Variants in CAST observed in about 807,000 individuals in gnomAD.
CAST encodes the protein calpastatin.
CAST carries 76 observed loss-of-function variants against 119.6 expected under a neutral mutation model. The ratio of observed to expected loss-of-function variants is 0.64; its 90% CI spans 0.53 to 0.77. CAST has a LOEUF of 0.77. CAST is among the 30% of genes least tolerant of loss of function. The pLI, the probability that CAST is intolerant of heterozygous loss-of-function variation, is 0.00. For missense variants in CAST, 953 were observed against 946.5 expected (o/e 1.01, Z -0.09); for synonymous variants, 319 against 331.6 (o/e 0.96, Z 0.41).
chr5:96,058,043 C>A, the CAST span, among the ~76,000 whole-genome samples: 1 of 152,020 alleles, frequency 6.6e-6, no homozygotes, highest in African/African-American at 2.4e-5. Context: ...TCAGGGTCTT[C>A]TATTTAAAAT....
chr5:95,984,563 C>G, the CAST span, among the ~76,000 whole-genome samples: 3 of 152,140 alleles, frequency 2.0e-5, no homozygotes, highest in East Asian at 1.9e-4. Flanking sequence ...TACTGAAACT[C>G]TCTGAGAAAT....
chr5:96,501,012 G>A, the CAST span, among the ~76,000 whole-genome samples: 1 of 152,194 alleles, frequency 6.6e-6, no homozygotes, highest in Non-Finnish European at 1.5e-5. Context: ...ACTGGAGGTG[G>A]AGTGGGCTGA....
the CAST span, among the ~76,000 whole-genome samples, chr5:96,109,860 A>T: frequency 2.6e-5 from 4 of 152,208 alleles, no homozygotes; most frequent in African/African-American, 9.6e-5. Flanking sequence ...TTAATATCAT[A>T]GGAAAGAAAC....
upstream of CAST, among the ~76,000 whole-genome samples, chr5:96,660,884 T>C (rs1462784232): frequency 6.6e-6 from 1 of 151,850 alleles, no homozygotes; most frequent in Non-Finnish European, 1.5e-5. Flanking sequence ...TTTTTATGTA[T>C]AAATTCCTGC....
the CAST span, among the ~76,000 whole-genome samples, chr5:96,498,361 A>G: frequency 1.3e-5 from 2 of 152,156 alleles, no homozygotes; most frequent in African/African-American, 4.8e-5. Flanking sequence ...TTTTGGTTCC[A>G]TATGAACTTT....
chr5:96,118,837 G>A, the CAST span, among the ~76,000 whole-genome samples: 6 of 148,972 alleles, frequency 4.0e-5, no homozygotes, highest in East Asian at 9.8e-4. Context: ...TTTTCTTAGC[G>A]TCAGTTACTT....
the CAST span, among the ~76,000 whole-genome samples, chr5:96,406,187 G>A: frequency 6.6e-6 from 1 of 152,148 alleles, no homozygotes; most frequent in Non-Finnish European, 1.5e-5. Flanking sequence ...TCATTTTATA[G>A]ATGGAAAGAC....
At chr5:96,221,747 A>G in the CAST span, among the ~76,000 whole-genome samples, 1 of 152,134 alleles carries the variant, frequency 6.6e-6, no homozygotes, top group Non-Finnish European at 1.5e-5. Context: ...TCACAGAAAT[A>G]GAAAAAAAAT....
the CAST span, among the ~76,000 whole-genome samples, chr5:96,145,134 G>A: frequency 4.6e-5 from 7 of 152,268 alleles, no homozygotes; most frequent in South Asian, 4.1e-4. Context: ...TGCCCAAGCT[G>A]TCTTCAGCTA....
the CAST span, among the ~76,000 whole-genome samples, chr5:96,429,886 A>T: frequency 3.3e-5 from 5 of 152,178 alleles, no homozygotes; most frequent in Non-Finnish European, 5.9e-5. Context: ...TTTTACACAC[A>T]TTGGAGGAAA....
chr5:96,459,826 G>A, the CAST span, among the ~76,000 whole-genome samples: 3 of 152,124 alleles, frequency 2.0e-5, no homozygotes, highest in Non-Finnish European at 2.9e-5. Context: ...GGATTTTACT[G>A]CAGATTGGCT....
rs866299479 is a variant in CAST at position 96,765,244 on chromosome 5, T to C, written c.1956T>C (p.Asp652=). ...DTSQSDKDLD[D]ALDKLSDSLG... is the part of the protein sequence containing the mutation. ...AGCAGAGTGACAAAGACCTCGATGA[T>C]GCCTTGGATAAACTCTCTGACAGTC... The change falls in exon 26 of 32, where the codon GAT becomes GAC. Residue 652 remains aspartate, a synonymous_variant. Transcript: ENST00000675179. 13 of 1,603,782 alleles carry C rather than the reference T, an allele frequency of 8.1e-6. 1 individual carries two copies. The Middle Eastern group carries it at 1.5e-3, about 184-fold the overall frequency.
chr5:96,029,514 A>C, the CAST span, among the ~76,000 whole-genome samples: 2 of 152,264 alleles, frequency 1.3e-5, no homozygotes, highest in South Asian at 4.1e-4. Context: ...ATGACCATGA[A>C]GGAGAAGCTT....
the CAST span, among the ~76,000 whole-genome samples, chr5:96,472,248 T>A: frequency 6.6e-6 from 1 of 152,244 alleles, no homozygotes; most frequent in Non-Finnish European, 1.5e-5. Context: ...TGCCTGAAAA[T>A]CTGATGCTAT....
chr5:96,074,666 C>T, the CAST span, among the ~76,000 whole-genome samples: 1,067 of 152,188 alleles, frequency 7.0e-3, 13 homozygotes, highest in African/African-American at 0.024. Flanking sequence ...TGCAAAATGA[C>T]GAATGAGAAG....
Position 96,564,450 on chromosome 5 carries a change from C to A in CAST, c.60+34570C>A, listed in dbSNP as rs563687608. 2.0e-4 allele frequency among the ~76,000 whole-genome samples: 31 copies of A among 152,300 alleles called. 1 individual carries two copies. Among genetic ancestry groups the A allele is most frequent in the Admixed American group, 1.2e-3 (18 of 15,300 alleles). On this transcript the variant is annotated intron_variant, in intron 1 of 11. Transcript: ENST00000505143. ...ATTTTTCCTTTTCAAAACAGAATCC[C>A]ATTCTACTTGCCGGAAAATGTGTTG...
chr5:96,683,558 A>G (rs574521979), intron 2 of CAST, among the ~76,000 whole-genome samples: 19 of 152,146 alleles, frequency 1.2e-4, no homozygotes, highest in Non-Finnish European at 2.6e-4. Flanking sequence ...GAGTTTTAAC[A>G]GAGGGGCAGG....
chr5:96,038,495 AT>A, the CAST span, among the ~76,000 whole-genome samples: 3 of 151,922 alleles, frequency 2.0e-5, no homozygotes, highest in African/African-American at 7.2e-5. Context: ...GACATTAGGT[AT>A]TTCTCCTAAT....
chr5:96,757,373 T>C, intron 22 of CAST, 71 bp from the exon 23 acceptor site: 1 of 1,349,404 alleles, frequency 7.4e-7, no homozygotes. Context: ...CCCTTTGTAA[T>C]GTTTACAAGG....
Sources: allele counts gnomAD v4.1 joint callset (sites outside exome capture counted in the v4.1 genomes callset), GRCh38; gene constraint gnomAD v4.1.1; transcripts MANE v1.5; gene names NCBI Gene and HGNC (gene_info 2026-07-23, HGNC 2026-07-21).